DLG2: variants seen among roughly 807,000 people sequenced by gnomAD.
The protein encoded by DLG2 is disks large homolog 2.
DLG2 carries 45 observed loss-of-function variants against 132.5 expected under a neutral mutation model. That is an observed-to-expected ratio of 0.34 (90% CI 0.27 to 0.44). The LOEUF (loss-of-function observed/expected upper bound fraction) is 0.44, where lower values mean the gene tolerates loss of function less well. DLG2 is among the 20% of genes least tolerant of loss of function. The probability of loss-of-function intolerance (pLI) is 1.00; values close to 1 mark genes in which losing one functional copy is unlikely to be tolerated. For synonymous variants in DLG2, 424 were observed against 419.6 expected (o/e 1.01, Z -0.13); for missense variants, 1,045 against 1,196.9 (o/e 0.87, Z 1.87).
chr11:84,804,388 T>C (rs2075765185), intron 6 of DLG2, among the ~76,000 whole-genome samples: 1 of 152,200 alleles, frequency 6.6e-6, no homozygotes, highest in Non-Finnish European at 1.5e-5. Flanking sequence ...CCCACGTACT[T>C]CCACTTCCAA....
intron 6 of DLG2, among the ~76,000 whole-genome samples, chr11:84,817,573 G>A (rs1220902348): frequency 6.6e-6 from 1 of 151,972 alleles, no homozygotes; most frequent in Non-Finnish European, 1.5e-5. Context: ...CTGAATACTA[G>A]TTGACAAAGA....
intron 6 of DLG2, among the ~76,000 whole-genome samples, chr11:84,658,957 A>G (rs2099691460): frequency 6.6e-6 from 1 of 152,186 alleles, no homozygotes; most frequent in Non-Finnish European, 1.5e-5. Context: ...TCTATGAATC[A>G]GGAACTGAGC....
At chr11:84,953,876 T>G (rs1384655198) in intron 6 of DLG2, among the ~76,000 whole-genome samples, 2 of 152,162 alleles carry the variant, frequency 1.3e-5, no homozygotes, top group Non-Finnish European at 2.9e-5. Flanking sequence ...TTCCAGGCAG[T>G]TGAAATGCTT....
At chr11:85,316,897 G>C (rs1302936067) in intron 3 of DLG2, among the ~76,000 whole-genome samples, 3 of 151,872 alleles carry the variant, frequency 2.0e-5, no homozygotes, top group Non-Finnish European at 4.4e-5. Flanking sequence ...TCTTATGGGA[G>C]ACACAAAACT....
chr11:84,199,235 C>T (rs1566905741), intron 8 of DLG2, among the ~76,000 whole-genome samples: 2 of 152,110 alleles, frequency 1.3e-5, no homozygotes, highest in Non-Finnish European at 2.9e-5. Flanking sequence ...GCAGCTACTA[C>T]AGTGAGATTG....
intron 18 of DLG2, among the ~76,000 whole-genome samples, chr11:83,677,801 A>G (rs2078018840): frequency 6.6e-6 from 1 of 152,156 alleles, no homozygotes; most frequent in Non-Finnish European, 1.5e-5. Flanking sequence ...ATGTGACATA[A>G]GATGAAAAGG....
chr11:83,552,351 G>T (rs1332739537), intron 19 of DLG2, among the ~76,000 whole-genome samples: 6 of 152,096 alleles, frequency 3.9e-5, no homozygotes, highest in Non-Finnish European at 8.8e-5. Context: ...TAGATATACA[G>T]GCATCTGAGG....
chr11:84,391,482 T>C (rs1026585122), intron 7 of DLG2, among the ~76,000 whole-genome samples: 34 of 152,146 alleles, frequency 2.2e-4, no homozygotes, highest in African/African-American at 8.2e-4. Context: ...TATTTCATCT[T>C]TCCAACAACC....
In DLG2 at chr11:85,214,728, A is replaced by G. The variant is rs375469701; in HGVS notation, c.187-60077T>C. Among the ~76,000 whole-genome samples the G allele has an allele frequency of 2.4e-4, 36 of 152,286 alleles. No individual in the cohort carries two copies. In the East Asian group the frequency reaches 4.8e-3, roughly 20 times the overall value. ...ACACTTTGGATATCCACATAAAACT[A>G]CTTTAAACTTTTGTTAAATTTATCT... is the stretch of plus-strand genomic sequence containing the variant. On this transcript the variant is annotated intron_variant, in intron 4 of 27. Coordinates refer to ENST00000376104, the MANE Select transcript of DLG2 (RefSeq NM_001142699.3).
intron 13 of DLG2, among the ~76,000 whole-genome samples, chr11:83,963,522 C>G (rs767636838): frequency 6.6e-6 from 1 of 151,868 alleles, no homozygotes; most frequent in Non-Finnish European, 1.5e-5. Context: ...CCTAATGTAT[C>G]TCCCTTTTAG....
chr11:83,993,041 G>A (rs190275921), intron 11 of DLG2, among the ~76,000 whole-genome samples: 1 of 152,106 alleles, frequency 6.6e-6, no homozygotes, highest in African/African-American at 2.4e-5. Flanking sequence ...CACTGTTCTA[G>A]GTTTTTTTCC....
chr11:83,930,328 C>T lies in DLG2; in HGVS notation c.1496G>A (p.Ser499Asn). 1 of 1,613,614 alleles carries T rather than the reference C, an allele frequency of 6.2e-7. No homozygotes were observed. Among genetic ancestry groups the T allele is most frequent in the Non-Finnish European group, 8.5e-7 (1 of 1,179,790 alleles). ...TGAAGTGAGGAAGCGCATGCAGTACCTGGTCATCTCAGAGTCAGGTAGCAG... is the reference window on the plus strand; with the variant it reads ...TGAAGTGAGGAAGCGCATGCAGTACTTGGTCATCTCAGAGTCAGGTAGCAG... The part of the protein sequence containing the change: ...LGLLPDSEMT[S>N]HSQHSTATRQ... Residue 499 changes from serine to asparagine, a missense_variant and splice_region_variant, in exon 15 of 28, where the codon AGT (serine) becomes AAT (asparagine). Around this residue, in one of 4 missense-constraint regions of DLG2, gnomAD observed 261 missense variants for 256.1 expected, o/e 1.02. Transcript: ENST00000376104.
At chr11:85,094,089 T>G (rs2069317661) in intron 6 of DLG2, among the ~76,000 whole-genome samples, 1 of 152,230 alleles carries the variant, frequency 6.6e-6, no homozygotes, top group South Asian at 2.1e-4. Flanking sequence ...CTTTTTGGAT[T>G]TGGATCTTCT....
At chr11:85,115,523 G>A (rs2073441180) in intron 5 of DLG2, among the ~76,000 whole-genome samples, 1 of 151,956 alleles carries the variant, frequency 6.6e-6, no homozygotes, top group African/African-American at 2.4e-5. Flanking sequence ...ACCATTTCAT[G>A]ACAGATCAAA....
At chr11:84,296,296 T>A (rs2098087707) in intron 7 of DLG2, among the ~76,000 whole-genome samples, 1 of 152,108 alleles carries the variant, frequency 6.6e-6, no homozygotes, top group South Asian at 2.1e-4. Flanking sequence ...AGGCCTGTGA[T>A]ATGATTTTGT....
intron 18 of DLG2, among the ~76,000 whole-genome samples, chr11:83,689,447 A>G (rs751722461): frequency 2.0e-5 from 3 of 152,160 alleles, no homozygotes; most frequent in Non-Finnish European, 4.4e-5. Flanking sequence ...AACTTCTTCA[A>G]TGCAATGAAG....
At chr11:84,398,957 A>G (rs898236786) in intron 7 of DLG2, among the ~76,000 whole-genome samples, 1 of 152,216 alleles carries the variant, frequency 6.6e-6, no homozygotes, top group Non-Finnish European at 1.5e-5. Flanking sequence ...TCATTTTCAG[A>G]ACTCTATGAC....
chr11:84,275,297 GCATT>G (rs1450636371), intron 7 of DLG2, among the ~76,000 whole-genome samples: 1 of 151,988 alleles, frequency 6.6e-6, no homozygotes, highest in East Asian at 1.9e-4. Flanking sequence ...TTTGAATCTT[GCATT>G]CATTCATTTA....
At chr11:83,913,115 A>G (rs2076346872) in intron 15 of DLG2, among the ~76,000 whole-genome samples, 1 of 152,084 alleles carries the variant, frequency 6.6e-6, no homozygotes, top group Non-Finnish European at 1.5e-5. Flanking sequence ...TCTCATTTTA[A>G]TCATGTTAAT....
Sources: gnomAD v4.1 joint callset for allele counts (sites outside exome capture counted in the v4.1 genomes callset) on GRCh38, gnomAD v4.1.1 for gene constraint, gnomAD v4.1.1 regional missense constraint, MANE v1.5 for transcripts, NCBI Gene and HGNC (gene_info 2026-07-23, HGNC 2026-07-21) for gene names.